Variants in KCNH5 observed in about 807,000 individuals in gnomAD.
KCNH5 encodes the protein potassium voltage-gated channel subfamily H member 5.
KCNH5 carries 46 observed loss-of-function variants against 96.1 expected under a neutral mutation model. The ratio of observed to expected loss-of-function variants is 0.48; its 90% CI spans 0.38 to 0.61. The LOEUF (loss-of-function observed/expected upper bound fraction) is 0.61. Among genes scored for constraint, KCNH5 ranks in the 20% least tolerant of loss-of-function variants. KCNH5 has a pLI of 0.00. For missense variants in KCNH5, 907 were observed against 1,225.8 expected, an observed-to-expected ratio of 0.74 and a Z score of 3.88; for synonymous variants, 439 against 449.8, an observed-to-expected ratio of 0.98 and a Z score of 0.30.
intron 7 of KCNH5, among the ~76,000 whole-genome samples, chr14:62,853,466 TATATATATATATATCA>T (rs1314172644): frequency 1.6e-5 from 2 of 125,552 alleles, no homozygotes; most frequent in Non-Finnish European, 3.3e-5. Flanking sequence ...CATATATATA[TATATATATATATATCA>T]TATATATATA....
In KCNH5 at chr14:62,707,834, C is replaced by T. The variant is rs772701292; in HGVS notation, c.2641G>A (p.Ala881Thr). The T allele has an allele frequency of 1.1e-5, 17 of 1,613,950 alleles. 1 individual carries two copies. In the South Asian group the frequency reaches 1.8e-4, roughly 17 times the overall value. The change falls in exon 11 of 11, where the codon GCC (alanine) becomes ACC (threonine). Residue 881 changes from alanine (A) to threonine (T), a missense_variant. This residue lies in a region of KCNH5 where 362 missense variants were observed against 394.4 expected (regional missense o/e 0.92). Coordinates refer to ENST00000322893, the MANE Select transcript of KCNH5 (RefSeq NM_139318.5). ...GGACTGTGCTCTAGCGGACTTCGGG[C>T]CTCCCCAGCCTTATCCAAACGAAGG... ...SDLRLDKAGE[A>T]RSPLEHSPIQ...
chr14:63,004,569 A>G (rs888546438), intron 3 of KCNH5, among the ~76,000 whole-genome samples: 8 of 152,248 alleles, frequency 5.3e-5, no homozygotes, highest in Admixed American at 1.3e-4. Context: ...TACTAAGATG[A>G]TTTAAAGTAA....
At chr14:62,905,069 A>G (rs772497034) in intron 7 of KCNH5, among the ~76,000 whole-genome samples, 25 of 152,206 alleles carry the variant, frequency 1.6e-4, no homozygotes, top group Admixed American at 5.2e-4. Context: ...AGAGACTTTG[A>G]AAAGTCACCA....
chr14:62,719,330 G>C (rs1884755746), intron 10 of KCNH5, among the ~76,000 whole-genome samples: 1 of 152,212 alleles, frequency 6.6e-6, no homozygotes, highest in East Asian at 1.9e-4. Flanking sequence ...CTGCATATCT[G>C]CACAGGTTGC....
At chr14:62,960,111 G>A (rs371083000) in intron 6 of KCNH5, among the ~76,000 whole-genome samples, 13 of 151,956 alleles carry the variant, frequency 8.6e-5, no homozygotes, top group East Asian at 3.9e-4. Context: ...ATTCTCCCTC[G>A]AACACAGGGA....
chr14:62,916,576 C>A (rs1169735601), intron 7 of KCNH5, among the ~76,000 whole-genome samples: 1 of 152,144 alleles, frequency 6.6e-6, no homozygotes, highest in Non-Finnish European at 1.5e-5. Context: ...CATTGACGTG[C>A]CTTCTCTGAT....
intron 1 of KCNH5, among the ~76,000 whole-genome samples, chr14:63,018,652 A>C (rs184024896): frequency 6.6e-6 from 1 of 152,208 alleles, no homozygotes; most frequent in East Asian, 1.9e-4. Flanking sequence ...AAAAATGTAG[A>C]AATTAGACCA....
chr14:62,981,087 T>C lies in KCNH5; in HGVS notation c.727A>G (p.Asn243Asp). ...TCCAGTACCAGCCAGGCTATGTTGTTCTGCTTTGTTTTGAAGGAAACATTA... is the reference window on the plus strand; with the variant it reads ...TCCAGTACCAGCCAGGCTATGTTGTCCTGCTTTGTTTTGAAGGAAACATTA... ...PYNVSFKTKQ[N>D]NIAWLVLDSV... The change falls in exon 6 of 11, where the codon AAC (asparagine) becomes GAC (aspartate). Residue 243 changes from asparagine (N) to aspartate (D), a missense_variant. Transcript: ENST00000322893. 1 of 1,614,216 alleles carries C rather than the reference T, an allele frequency of 6.2e-7. No individual in the cohort carries two copies. Among genetic ancestry groups the C allele is most frequent in the Non-Finnish European group, 8.5e-7 (1 of 1,180,030 alleles).
chr14:62,896,226 T>C (rs571878269), intron 7 of KCNH5, among the ~76,000 whole-genome samples: 1 of 152,292 alleles, frequency 6.6e-6, no homozygotes, highest in African/African-American at 2.4e-5. Flanking sequence ...GAAATGTCAA[T>C]AGGCCACCTA....
intron 7 of KCNH5, among the ~76,000 whole-genome samples, chr14:62,936,893 A>G (rs939378515): frequency 6.7e-6 from 1 of 149,370 alleles, no homozygotes; most frequent in Non-Finnish European, 1.5e-5. Flanking sequence ...AGGCAGGACA[A>G]TCACTTGAAC....
chr14:62,720,460 T>C (rs755206816), intron 10 of KCNH5, among the ~76,000 whole-genome samples: 22 of 152,062 alleles, frequency 1.4e-4, no homozygotes, highest in Non-Finnish European at 2.6e-4. Context: ...CGGACACCTG[T>C]AAGTCCCAGC....
chr14:63,044,046 G>A (rs866901180), intron 1 of KCNH5, among the ~76,000 whole-genome samples: 11 of 152,246 alleles, frequency 7.2e-5, no homozygotes, highest in South Asian at 6.2e-4. Flanking sequence ...CTATGGAACT[G>A]CATAGAGTAT....
Position 62,707,755 on chromosome 14 carries a change from T to C in KCNH5, c.2720A>G (p.Gln907Arg). The change falls in exon 11 of 11, where the codon CAG (glutamine) becomes CGG (arginine). Residue 907 changes from glutamine to arginine, a missense_variant. By Grantham distance (43) the Gln-to-Arg change is conservative. Coordinates refer to ENST00000322893, the MANE Select transcript of KCNH5 (RefSeq NM_139318.5). ...GTGTTTGACTTCCTGCAGTGTGGTC[T>C]GTAAGGCCTGCTCGGGGATGGGATA... ...PFYPIPEQALQTTLQEVKHEL... is the reference protein window; with the variant it reads ...PFYPIPEQALRTTLQEVKHEL... 6.2e-7 allele frequency: 1 copy of C among 1,614,130 alleles called. No homozygotes were observed. Among genetic ancestry groups the C allele is most frequent in the Non-Finnish European group, 8.5e-7 (1 of 1,179,992 alleles).
rs561533006 is a variant in KCNH5, at chr14:62,879,904, T to C, written c.1370-30052A>G. Among the ~76,000 whole-genome samples the C allele has an allele frequency of 2.2e-4, 33 of 152,306 alleles. 1 individual carries two copies. Among genetic ancestry groups the C allele is most frequent in the African/African-American group, 7.2e-4 (30 of 41,586 alleles). On this transcript the variant is annotated intron_variant, in intron 7 of 10. Coordinates refer to ENST00000322893, the MANE Select transcript of KCNH5 (RefSeq NM_139318.5). ...TCTTCTAATCATAACACAGTCTACA[T>C]AATTTTTAAATTTACAGAATTAAAG...
chr14:62,781,373 C>A (rs1886208547), intron 9 of KCNH5, among the ~76,000 whole-genome samples: 2 of 152,184 alleles, frequency 1.3e-5, no homozygotes, highest in Admixed American at 6.5e-5. Flanking sequence ...GTTTCAGACA[C>A]CATTGTCATT....
chr14:62,797,223 C>T (rs1202206623), intron 9 of KCNH5, among the ~76,000 whole-genome samples: 1 of 152,026 alleles, frequency 6.6e-6, no homozygotes, highest in East Asian at 1.9e-4. Context: ...TGTTAAAACT[C>T]CTATTTTATT....
intron 8 of KCNH5, among the ~76,000 whole-genome samples, chr14:62,837,701 G>A (rs1887491886): frequency 6.6e-6 from 1 of 152,148 alleles, no homozygotes; most frequent in Admixed American, 6.6e-5. Flanking sequence ...GAGAATGGCT[G>A]AATAAATGAA....
At chr14:62,770,084 T>C (rs888409759) in intron 10 of KCNH5, among the ~76,000 whole-genome samples, 2 of 152,198 alleles carry the variant, frequency 1.3e-5, no homozygotes, top group African/African-American at 4.8e-5. Context: ...TTAGCTAATA[T>C]ACCATTGTGG....
intron 8 of KCNH5, among the ~76,000 whole-genome samples, chr14:62,804,562 G>C (rs990747798): frequency 6.6e-6 from 1 of 152,116 alleles, no homozygotes; most frequent in African/African-American, 2.4e-5. Context: ...GTGGTATGAT[G>C]GGAGCATGGC....
Sources: gnomAD v4.1 joint callset for allele counts (sites outside exome capture counted in the v4.1 genomes callset) on GRCh38, gnomAD v4.1.1 for gene constraint, gnomAD v4.1.1 regional missense constraint, MANE v1.5 for transcripts, NCBI Gene and HGNC (gene_info 2026-07-23, HGNC 2026-07-21) for gene names.